The following TXNDC11 variants were observed in gnomAD, a reference collection of about 807,000 sequenced individuals.
TXNDC11 encodes the protein thioredoxin domain-containing protein 11.
A neutral mutation model predicts 78.0 loss-of-function variants in TXNDC11; 68 were observed. That is an observed-to-expected ratio of 0.87 (90% CI 0.72 to 1.07). The LOEUF (loss-of-function observed/expected upper bound fraction) is 1.07. Ranked by LOEUF, TXNDC11 falls within the 50% of genes least tolerant of loss-of-function variation. The pLI is 0.00. For synonymous variants in TXNDC11, 571 were observed against 495.2 expected, an observed-to-expected ratio of 1.15 and a Z score of -2.03; for missense variants, 1,389 against 1,221.8, an observed-to-expected ratio of 1.14 and a Z score of -2.04.
Position 11,721,634 on chromosome 16 carries a change from G to T in TXNDC11, c.736C>A (p.Pro246Thr), listed in dbSNP as rs143881122. ...VLGYFEFSGSPQPPGYLTFFT... is the reference protein window; with the variant it reads ...VLGYFEFSGSTQPPGYLTFFT... ...AAGGTCAAATAACCAGGAGGCTGGG[G>T]TGAGCCACTGAACTCAAAGTACCCG... The change falls in exon 5 of 12, where the codon CCC (proline) becomes ACC (threonine). Residue 246 changes from proline to threonine, a missense_variant. Coordinates refer to ENST00000283033, the MANE Select transcript of TXNDC11 (RefSeq NM_015914.7). 323 of 1,612,558 alleles carry T rather than the reference G, an allele frequency of 2.0e-4. 1 individual carries two copies. In the East Asian group the frequency reaches 7.1e-3, roughly 36 times the overall value.
chr16:11,697,743 C>G (rs912189456), intron 7 of TXNDC11, among the ~76,000 whole-genome samples: 2 of 152,238 alleles, frequency 1.3e-5, no homozygotes, highest in African/African-American at 4.8e-5. Context: ...AATGGCATCT[C>G]CTAGGCCACA....
In TXNDC11 at chr16:11,679,529, T is replaced by G; in HGVS notation, c.2543A>C (p.Gln848Pro). 6.2e-7 allele frequency: 1 copy of G among 1,613,434 alleles called. No individual in the cohort carries two copies. Among genetic ancestry groups the G allele is most frequent in the Non-Finnish European group, 8.5e-7 (1 of 1,180,018 alleles). The part of the protein sequence containing the change: ...LRQQQRALEE[Q>P]HSLLHAHSEQ... ...ACTGTGTGCGTGGAGCAGGCTGTGC[T>G]GCTCTTCCAGGGCCCGCTGCTGCTG... is the stretch of plus-strand genomic sequence containing the variant. Residue 848 changes from glutamine (Q) to proline (P), a missense_variant, in exon 12 of 12, where the codon CAG becomes CCG. Coordinates refer to ENST00000283033, the MANE Select transcript of TXNDC11 (RefSeq NM_015914.7). The surrounding 1 kb of genome is among the most constrained non-coding windows in gnomAD (Gnocchi z 4.6).
rs770941966 is a variant in TXNDC11, at chr16:11,691,953, G to A, written c.1237C>T (p.Pro413Ser). The change falls in exon 8 of 12, where the codon CCA becomes TCA. Residue 413 changes from proline to serine, a missense_variant. By Grantham distance (74) the Pro-to-Ser change is moderately conservative. Transcript: ENST00000283033. The part of the protein sequence containing the change: ...SLALEVPAQL[P>S]DPPTITASPC... Reference sequence around the variant, plus strand: ...GACGCTGTGATCGTTGGCGGGTCTGGCAGCTGTGCCGGCACTTCCAGGGCC... The same window carrying A: ...GACGCTGTGATCGTTGGCGGGTCTGACAGCTGTGCCGGCACTTCCAGGGCC... 6 of 1,611,084 alleles carry A rather than the reference G, an allele frequency of 3.7e-6. No individual in the cohort carries two copies. The East Asian group carries it at 1.3e-4, about 36-fold the overall frequency.
intron 5 of TXNDC11, among the ~76,000 whole-genome samples, chr16:11,713,876 G>C (rs906952336): frequency 6.6e-6 from 1 of 152,016 alleles, no homozygotes; most frequent in Non-Finnish European, 1.5e-5. Context: ...TAGAACCCAT[G>C]CCATTTGCCG....
intron 10 of TXNDC11, 107 bp from the exon 11 acceptor site, chr16:11,684,352 A>G (rs1054970982): frequency 4.0e-6 from 3 of 745,890 alleles, no homozygotes; most frequent in African/African-American, 3.5e-5. Context: ...TTTACACCCC[A>G]CATTGGGCTA....
intron 7 of TXNDC11, among the ~76,000 whole-genome samples, chr16:11,695,252 T>C (rs2050828792): frequency 6.6e-6 from 1 of 152,178 alleles, no homozygotes. Flanking sequence ...TGCATGTGTG[T>C]AGAAGCAGCT....
At chr16:11,708,178 C>T (rs1406192771) in intron 5 of TXNDC11, among the ~76,000 whole-genome samples, 1 of 152,142 alleles carries the variant, frequency 6.6e-6, no homozygotes, top group African/African-American at 2.4e-5. Flanking sequence ...GATGAAAAAG[C>T]AAGATTCATT....
intron 1 of TXNDC11, among the ~76,000 whole-genome samples, chr16:11,739,887 A>G (rs1394853029): frequency 6.6e-6 from 1 of 152,000 alleles, no homozygotes; most frequent in Non-Finnish European, 1.5e-5. Context: ...TGTTCATAAA[A>G]ATTAAATTAA....
rs549305394 is a variant in TXNDC11 at position 11,692,140 on chromosome 16, C to T, written c.1108-58G>A. On this transcript the variant is annotated intron_variant, in intron 7 of 11. Coordinates refer to ENST00000283033, the MANE Select transcript of TXNDC11 (RefSeq NM_015914.7). ...GGGGATGACTGAGGGACTAGCACCC[C>T]GTTAGCCACGTTTCACTTTCTGTAA... 365 of 1,322,974 alleles carry T rather than the reference C, an allele frequency of 2.8e-4. 3 individuals carry two copies. Among genetic ancestry groups the T allele is most frequent in the Admixed American group, 2.5e-5 (1 of 39,718 alleles). The allele number at this position is 1,322,974 out of a possible 1,614,324, so 82.0% of individuals were successfully genotyped here. A position where few individuals can be genotyped will look rare whatever the true frequency, so the allele number is the denominator to read the frequency against.
rs146201777 is a variant in TXNDC11 at position 11,691,599 on chromosome 16, T to C, written c.1591A>G (p.Thr531Ala). 7 of 1,614,110 alleles carry C rather than the reference T, an allele frequency of 4.3e-6. No homozygotes were observed. In the South Asian group the frequency reaches 5.5e-5, roughly 13 times the overall value. Residue 531 changes from threonine to alanine, a missense_variant, in exon 8 of 12, where the codon ACT (threonine) becomes GCT (alanine). Transcript: ENST00000283033. ...TTCTCAAGGGAAGAAAATGCAACAG[T>C]AGGGGCTTCAAAGACACCTTGTTCA... is the stretch of plus-strand genomic sequence containing the variant. ...DSEQGVFEAPTVAFSSLEKKC... is the reference protein window; with the variant it reads ...DSEQGVFEAPAVAFSSLEKKC...
chr16:11,713,438 C>CA, intron 5 of TXNDC11, among the ~76,000 whole-genome samples: 1 of 151,550 alleles, frequency 6.6e-6, no homozygotes, highest in East Asian at 1.9e-4. Context: ...TTTTTTGAGA[C>CA]AGAGTTTTGC....
At chr16:11,717,318 G>C (rs2051555343) in intron 5 of TXNDC11, among the ~76,000 whole-genome samples, 1 of 150,420 alleles carries the variant, frequency 6.6e-6, no homozygotes, top group African/African-American at 2.4e-5. Flanking sequence ...GGCGCCTGTA[G>C]TCCTAGCTAC....
At chr16:11,735,724 AT>A (rs1436401574) in intron 2 of TXNDC11, among the ~76,000 whole-genome samples, 1 of 152,222 alleles carries the variant, frequency 6.6e-6, no homozygotes, top group Non-Finnish European at 1.5e-5. Context: ...AAGAACTAGG[AT>A]TTTCAGTCCC....
chr16:11,688,226 T>G (rs1034954518), intron 9 of TXNDC11, 77 bp downstream of exon 9: 79 of 1,509,588 alleles, frequency 5.2e-5, no homozygotes, highest in Non-Finnish European at 5.5e-5. Context: ...AAACAGCTGC[T>G]CACCCCAACA....
At chr16:11,694,034 A>G (rs1164083843) in intron 7 of TXNDC11, among the ~76,000 whole-genome samples, 1 of 151,762 alleles carries the variant, frequency 6.6e-6, no homozygotes, top group Non-Finnish European at 1.5e-5. Flanking sequence ...TCAGTATCTC[A>G]TAAACAAAGC....
chr16:11,726,945 G>C (rs1185827086), intron 4 of TXNDC11, among the ~76,000 whole-genome samples: 2 of 151,882 alleles, frequency 1.3e-5, no homozygotes, highest in Non-Finnish European at 2.9e-5. Flanking sequence ...CCCAGCTACT[G>C]AGGAGGCTGA....
intron 7 of TXNDC11, among the ~76,000 whole-genome samples, chr16:11,697,107 G>T (rs2050879704): frequency 6.6e-6 from 1 of 152,172 alleles, no homozygotes; most frequent in South Asian, 2.1e-4. Context: ...TCCCTAATTA[G>T]AGGGGAAGAA....
chr16:11,707,635 G>C (rs1012167666), intron 5 of TXNDC11, among the ~76,000 whole-genome samples: 1 of 151,534 alleles, frequency 6.6e-6, no homozygotes, highest in Non-Finnish European at 1.5e-5. Flanking sequence ...TTTTAGTACA[G>C]ACAGAGTTTC....
At chr16:11,690,581 C>T (rs1334261395) in intron 8 of TXNDC11, among the ~76,000 whole-genome samples, 1 of 152,206 alleles carries the variant, frequency 6.6e-6, no homozygotes, top group Non-Finnish European at 1.5e-5. Flanking sequence ...GAGACGGAGT[C>T]TTGCTCTGTC....
Sources: gnomAD v4.1 joint callset for allele counts (sites outside exome capture counted in the v4.1 genomes callset) on GRCh38, gnomAD v4.1.1 for gene constraint, Gnocchi (gnomAD v3.1) non-coding constraint, MANE v1.5 for transcripts, NCBI Gene and HGNC (gene_info 2026-07-23, HGNC 2026-07-21) for gene names.